ESRRG: variants seen among roughly 807,000 people sequenced by gnomAD.
The protein encoded by ESRRG is estrogen related receptor gamma.
In ESRRG, 13 loss-of-function variants were observed where a neutral mutation model predicts 44.0. That is an observed-to-expected ratio of 0.30 (90% CI 0.19 to 0.47). ESRRG has a LOEUF of 0.47. ESRRG is among the 20% of genes least tolerant of loss of function. ESRRG has a pLI of 1.00. For synonymous variants in ESRRG, 215 were observed against 214.6 expected (o/e 1.00, Z -0.02); for missense variants, 395 against 580.6 (o/e 0.68, Z 3.29).
intron 1 of ESRRG, among the ~76,000 whole-genome samples, chr1:216,697,393 GTGTT>G (rs767950204): frequency 6.6e-6 from 1 of 152,212 alleles, no homozygotes; most frequent in South Asian, 2.1e-4. Flanking sequence ...GTTGTGATTT[GTGTT>G]TGTTTAAGCA....
intron 1 of ESRRG, among the ~76,000 whole-genome samples, chr1:217,131,949 C>T (rs867183771): frequency 2.0e-5 from 3 of 152,254 alleles, no homozygotes; most frequent in Non-Finnish European, 4.4e-5. Flanking sequence ...GGAGACTATA[C>T]TCAGTTCCTC....
At chr1:217,133,645 C>CTTTCTTTCCTTCTTTCTT in intron 1 of ESRRG, among the ~76,000 whole-genome samples, 1 of 91,814 alleles carries the variant, frequency 1.1e-5, no homozygotes, top group Non-Finnish European at 2.2e-5. Context: ...CTCTCTCTCT[C>CTTTCTTTCCTTCTTTCTT]TCTTTCTTTC....
chr1:216,837,008 T>C (rs945734824), intron 2 of ESRRG, among the ~76,000 whole-genome samples: 1 of 152,108 alleles, frequency 6.6e-6, no homozygotes. Flanking sequence ...GCTTTAGTAC[T>C]GGACGGATCA....
intron 2 of ESRRG, among the ~76,000 whole-genome samples, chr1:216,921,704 C>A (rs2061874265): frequency 6.6e-6 from 1 of 152,134 alleles, no homozygotes; most frequent in Non-Finnish European, 1.5e-5. Context: ...CACTTACCAC[C>A]TTCTAATACA....
chr1:216,643,361 AT>A (rs886922616), intron 3 of ESRRG, among the ~76,000 whole-genome samples: 1 of 152,170 alleles, frequency 6.6e-6, no homozygotes, highest in African/African-American at 2.4e-5. Flanking sequence ...TAATTCCCTA[AT>A]GTAAAAGAAG....
chr1:216,824,024 A>G (rs2095347570), intron 2 of ESRRG, among the ~76,000 whole-genome samples: 1 of 151,984 alleles, frequency 6.6e-6, no homozygotes, highest in South Asian at 2.1e-4. Context: ...TTTTTTTCTG[A>G]TATAATCACC....
intron 1 of ESRRG, among the ~76,000 whole-genome samples, chr1:217,108,726 G>C (rs1475796382): frequency 6.6e-6 from 1 of 151,972 alleles, no homozygotes; most frequent in Non-Finnish European, 1.5e-5. Context: ...ATGATTGTAA[G>C]TTTCCTGAGA....
chr1:217,085,440 T>G (rs1310592133), intron 1 of ESRRG, among the ~76,000 whole-genome samples: 1 of 151,148 alleles, frequency 6.6e-6, no homozygotes, highest in Non-Finnish European at 1.5e-5. Context: ...AAGATTGTTC[T>G]GGAGAAAGAT....
chr1:216,954,783 A>G (rs2067641169), intron 1 of ESRRG, among the ~76,000 whole-genome samples: 1 of 152,178 alleles, frequency 6.6e-6, no homozygotes, highest in South Asian at 2.1e-4. Flanking sequence ...GCAGAGGAGT[A>G]AGTTGTGACA....
intron 1 of ESRRG, among the ~76,000 whole-genome samples, chr1:216,993,139 G>A (rs1050211088): frequency 2.0e-5 from 3 of 152,210 alleles, no homozygotes; most frequent in Non-Finnish European, 4.4e-5. Flanking sequence ...GTTGATGAAT[G>A]AATGAATGAA....
At chr1:216,597,167 C>G (rs924916443) in intron 3 of ESRRG, among the ~76,000 whole-genome samples, 1 of 152,128 alleles carries the variant, frequency 6.6e-6, no homozygotes, top group East Asian at 1.9e-4. Flanking sequence ...TCCATTTATT[C>G]AAATGTGTAC....
At chr1:216,716,167 A>G (rs2084832621) in intron 1 of ESRRG, among the ~76,000 whole-genome samples, 1 of 152,100 alleles carries the variant, frequency 6.6e-6, no homozygotes, top group Non-Finnish European at 1.5e-5. Context: ...CTTCATAAAT[A>G]AGAGCCACTG....
intron 1 of ESRRG, among the ~76,000 whole-genome samples, chr1:216,682,338 A>G (rs2077167079): frequency 6.9e-6 from 1 of 144,260 alleles, no homozygotes. Flanking sequence ...TGTCAATTAA[A>G]GAAGTTAACA....
At chr1:216,550,443 G>T (rs2055946348) in intron 5 of ESRRG, among the ~76,000 whole-genome samples, 1 of 152,092 alleles carries the variant, frequency 6.6e-6, no homozygotes, top group Non-Finnish European at 1.5e-5. Flanking sequence ...GGGAAAAAAT[G>T]AGCAATAATG....
chr1:216,838,222 C>G (rs1400375117), intron 2 of ESRRG, among the ~76,000 whole-genome samples: 1 of 151,488 alleles, frequency 6.6e-6, no homozygotes, highest in Non-Finnish European at 1.5e-5. Context: ...TATGTGTTTA[C>G]TCCTATCATA....
At chr1:217,051,768 A>C (rs996323244) in intron 1 of ESRRG, among the ~76,000 whole-genome samples, 1 of 151,382 alleles carries the variant, frequency 6.6e-6, no homozygotes, top group African/African-American at 2.4e-5. Flanking sequence ...CCATCCCCAT[A>C]CTCCTTTTTT....
chr1:216,953,165 C>T (rs1347258360), intron 1 of ESRRG, among the ~76,000 whole-genome samples: 1 of 152,232 alleles, frequency 6.6e-6, no homozygotes, highest in African/African-American at 2.4e-5. Flanking sequence ...AGGTATTCAG[C>T]ACACGTAATA....
chr1:216,592,350 T>C (rs2057795694), intron 3 of ESRRG, among the ~76,000 whole-genome samples: 2 of 152,308 alleles, frequency 1.3e-5, no homozygotes, highest in Admixed American at 1.3e-4. Flanking sequence ...TTTCCTTATT[T>C]TTCCTTTTCT....
chr1:216,902,812 G>A (rs1215920664), intron 2 of ESRRG, among the ~76,000 whole-genome samples: 1 of 152,170 alleles, frequency 6.6e-6, no homozygotes, highest in Non-Finnish European at 1.5e-5. Flanking sequence ...TCTACTACAT[G>A]ACCACATGCA....
Sources: allele counts gnomAD v4.1 joint callset (sites outside exome capture counted in the v4.1 genomes callset), GRCh38; gene constraint gnomAD v4.1.1; transcripts MANE v1.5; gene names NCBI Gene and HGNC (gene_info 2026-07-23, HGNC 2026-07-21).